The following RAB6B variants were observed in gnomAD, a reference collection of about 807,000 sequenced individuals.
RAB6B encodes ras-related protein Rab-6B.
In RAB6B, 7 loss-of-function variants were observed where a neutral mutation model predicts 31.2. The observed-to-expected ratio is 0.22, with a 90% CI of 0.13 to 0.42. RAB6B has a LOEUF of 0.42. RAB6B is among the 10% of genes least tolerant of loss of function. The pLI is 1.00. For synonymous variants in RAB6B, 105 were observed against 104.9 expected, an observed-to-expected ratio of 1.00 and a Z score of -0.01; for missense variants, 149 against 280.6, an observed-to-expected ratio of 0.53 and a Z score of 3.35.
intron 1 of RAB6B, among the ~76,000 whole-genome samples, chr3:133,884,541 C>T (rs1284244410): frequency 6.6e-6 from 1 of 152,200 alleles, no homozygotes; most frequent in Non-Finnish European, 1.5e-5. Context: ...TGATGGAACC[C>T]AGCAGACAGG....
At chr3:133,888,370 C>A (rs1283442743) in intron 1 of RAB6B, among the ~76,000 whole-genome samples, 1 of 152,234 alleles carries the variant, frequency 6.6e-6, no homozygotes, top group Non-Finnish European at 1.5e-5. Context: ...ATAAATGCCA[C>A]GTGAGTGAAC....
chr3:133,873,920 A>C (rs1936358578), intron 1 of RAB6B, among the ~76,000 whole-genome samples: 1 of 152,246 alleles, frequency 6.6e-6, no homozygotes, highest in African/African-American at 2.4e-5. Context: ...GAGAAAAGAA[A>C]ATGTTATTAC....
chr3:133,826,390 G>C lies in RAB6B; in HGVS notation c.*2398C>G, dbSNP rs921638960. On this transcript the variant is annotated 3_prime_UTR_variant, in exon 8 of 8. Transcript: ENST00000285208. ...GGAACTGAGTTTCTACTGTTTTATG[G>C]GATGTTTTTTTAAAAAAGCTAATCT... 3 of 152,204 alleles carry C rather than the reference G, an allele frequency of 2.0e-5. No homozygotes were observed. Among genetic ancestry groups the C allele is most frequent in the Non-Finnish European group, 4.4e-5 (3 of 68,028 alleles). 9.4% of individuals were successfully genotyped at this position (152,204 alleles called of 1,614,324 possible).
At chr3:133,882,217 T>A (rs577355157) in intron 1 of RAB6B, among the ~76,000 whole-genome samples, 1 of 152,352 alleles carries the variant, frequency 6.6e-6, no homozygotes, top group South Asian at 2.1e-4. Flanking sequence ...AGCAGCTTAC[T>A]TCTTCAAGGC....
intron 7 of RAB6B, among the ~76,000 whole-genome samples, chr3:133,833,800 A>T (rs1935691327): frequency 6.6e-6 from 1 of 152,050 alleles, no homozygotes; most frequent in Admixed American, 6.5e-5. Context: ...CTGGTGGCTT[A>T]CTCAGGCAGG....
At chr3:133,843,813 ACTGTCCG>A (rs1935870160) in intron 2 of RAB6B, among the ~76,000 whole-genome samples, 6 of 151,982 alleles carry the variant, frequency 3.9e-5, no homozygotes, top group African/African-American at 9.7e-5. Flanking sequence ...TCCCTTTCCC[ACTGTCCG>A]GTGGGGATGA....
At chr3:133,834,492 GTGTC>G in intron 7 of RAB6B, 79 bp downstream of exon 7, 8 of 1,435,098 alleles carry the variant, frequency 5.6e-6, no homozygotes, top group Non-Finnish European at 7.9e-6. Flanking sequence ...GACTGGGCGA[GTGTC>G]TGTCCACTGC....
At chr3:133,876,326 A>T (rs1463862192) in intron 1 of RAB6B, among the ~76,000 whole-genome samples, 1 of 152,194 alleles carries the variant, frequency 6.6e-6, no homozygotes, top group Non-Finnish European at 1.5e-5. Flanking sequence ...CCCCCGGACC[A>T]GTTCTATATG....
At position 133,828,165 on chromosome 3, in the gene RAB6B, A is replaced by G; in HGVS notation, c.*623T>C. The G allele has an allele frequency of 1.7e-6, 1 of 589,526 alleles. No homozygotes were observed. The highest frequency in any genetic ancestry group is 2.9e-5 in the Admixed American group (1 of 34,326). 36.5% of individuals were successfully genotyped at this position (589,526 alleles called of 1,614,324 possible). A position where few individuals can be genotyped will look rare whatever the true frequency, so the allele number is the denominator to read the frequency against. On this transcript the variant is annotated 3_prime_UTR_variant, in exon 8 of 8. Coordinates refer to ENST00000285208, the MANE Select transcript of RAB6B (RefSeq NM_016577.4). ...CCACAGACCTTGGTCTCAGCTCCAC[A>G]CGAGGTTGACGACCCACTCTGGCCA...
At chr3:133,870,727 T>C (rs1255512801) in intron 1 of RAB6B, among the ~76,000 whole-genome samples, 1 of 152,252 alleles carries the variant, frequency 6.6e-6, no homozygotes, top group Non-Finnish European at 1.5e-5. Context: ...CAGCACTGCA[T>C]TCAGAAAAAA....
At chr3:133,861,761 A>G (rs1936164321) in intron 2 of RAB6B, among the ~76,000 whole-genome samples, 2 of 152,182 alleles carry the variant, frequency 1.3e-5, no homozygotes, top group Non-Finnish European at 2.9e-5. Flanking sequence ...TGTGGGATGG[A>G]AAGAGGGAAG....
At chr3:133,848,283 T>C (rs578092268) in intron 2 of RAB6B, among the ~76,000 whole-genome samples, 1 of 152,334 alleles carries the variant, frequency 6.6e-6, no homozygotes, top group African/African-American at 2.4e-5. Flanking sequence ...ATCAAATGAA[T>C]ACTGAACTGG....
At chr3:133,839,702 G>A (rs537077037) in intron 4 of RAB6B, 85 bp from the exon 5 acceptor site, 25 of 979,094 alleles carry the variant, frequency 2.6e-5, no homozygotes, top group Non-Finnish European at 3.8e-5. Flanking sequence ...CCAGGAGCAG[G>A]AGGGAGGGTG....
intron 2 of RAB6B, among the ~76,000 whole-genome samples, chr3:133,844,592 A>G (rs1935881545): frequency 6.6e-6 from 1 of 152,198 alleles, no homozygotes; most frequent in Non-Finnish European, 1.5e-5. Context: ...AACTATTTTA[A>G]TATCTGGAAA....
intron 5 of RAB6B, among the ~76,000 whole-genome samples, chr3:133,839,044 G>A (rs1456422330): frequency 6.6e-6 from 1 of 152,342 alleles, no homozygotes; most frequent in East Asian, 1.9e-4. Flanking sequence ...AGCAGGCTAC[G>A]GCCATAGGTT....
rs1001208660 is a variant in RAB6B at position 133,826,700 on chromosome 3, A to G, written c.*2088T>C. On this transcript the variant is annotated 3_prime_UTR_variant, in exon 8 of 8. Coordinates refer to ENST00000285208, the MANE Select transcript of RAB6B (RefSeq NM_016577.4). ...AATGGTGGAGATATTCCCGTGGGCT[A>G]TGTTTGCCTGTAGTTTAACACAACT... The G allele has an allele frequency of 1.3e-5, 2 of 152,626 alleles. No individual in the cohort carries two copies. Among genetic ancestry groups the G allele is most frequent in the African/African-American group, 4.8e-5 (2 of 41,472 alleles). The allele number at this position is 152,626 out of a possible 1,614,324, so 9.5% of individuals were successfully genotyped here.
intron 1 of RAB6B, among the ~76,000 whole-genome samples, chr3:133,868,129 T>G (rs922440995): frequency 2.0e-5 from 3 of 152,114 alleles, no homozygotes; most frequent in African/African-American, 4.8e-5. Context: ...AGGAGCTAGG[T>G]GGGTAAGGGG....
chr3:133,848,549 C>T (rs180829920), intron 2 of RAB6B, among the ~76,000 whole-genome samples: 3 of 152,234 alleles, frequency 2.0e-5, no homozygotes, highest in Admixed American at 6.5e-5. Flanking sequence ...CTGGAAGCTG[C>T]GAAGTCTAAG....
In RAB6B at chr3:133,895,455, C is replaced by G; in HGVS notation, c.12G>C (p.Gly4=). ...TTCTCAGTGGATTCCCAAAATCTCC[C>G]CCTGCGGACATGGTGCTGGCAGCCG... MSA[G]GDFGNPLRKF... is the part of the protein sequence containing the mutation. The change falls in exon 1 of 8, where the codon GGG becomes GGC. Residue 4 remains glycine, a synonymous_variant. Coordinates refer to ENST00000285208, the MANE Select transcript of RAB6B (RefSeq NM_016577.4). The G allele has an allele frequency of 6.2e-7, 1 of 1,610,872 alleles. No homozygotes were observed. Among genetic ancestry groups the G allele is most frequent in the Non-Finnish European group, 8.5e-7 (1 of 1,178,654 alleles).
Sources: allele counts gnomAD v4.1 joint callset (sites outside exome capture counted in the v4.1 genomes callset), GRCh38; gene constraint gnomAD v4.1.1; transcripts MANE v1.5; gene names NCBI Gene and HGNC (gene_info 2026-07-23, HGNC 2026-07-21).